RARA: variants seen among roughly 807,000 people sequenced by gnomAD.
The protein encoded by RARA is PML-DDX5-RARA fusion.
Under a neutral mutation model 42.8 loss-of-function variants are expected in RARA, and 5 were observed. That is an observed-to-expected ratio of 0.12 (90% CI 0.06 to 0.25). The LOEUF (loss-of-function observed/expected upper bound fraction) is 0.25. Ranked by LOEUF, RARA falls within the 10% of genes least tolerant of loss-of-function variation. The pLI is 1.00. For missense variants in RARA, 402 were observed against 628.7 expected (o/e 0.64, Z 3.86); for synonymous variants, 256 against 259.5 (o/e 0.99, Z 0.13).
At chr17:40,333,194 C>T (rs950668140) in intron 2 of RARA, among the ~76,000 whole-genome samples, 16 of 152,128 alleles carry the variant, frequency 1.1e-4, no homozygotes, top group Non-Finnish European at 1.6e-4. Context: ...GGACTACAGG[C>T]GTACGCCACC....
At chr17:40,342,621 T>C in intron 2 of RARA, 1 of 1,528,334 alleles carries the variant, frequency 6.5e-7, no homozygotes, top group Non-Finnish European at 8.8e-7. Context: ...CCCCAGCTGC[T>C]CTGCTCGGAT....
At chr17:40,319,329 G>A (rs1424213765) in intron 1 of RARA, among the ~76,000 whole-genome samples, 1 of 152,126 alleles carries the variant, frequency 6.6e-6, no homozygotes, top group South Asian at 2.1e-4. Flanking sequence ...CCAGACAGAA[G>A]AGCTCCCCAG....
chr17:40,339,223 C>T (rs1188592220), intron 2 of RARA, among the ~76,000 whole-genome samples: 1 of 152,134 alleles, frequency 6.6e-6, no homozygotes, highest in African/African-American at 2.4e-5. Flanking sequence ...AGCCAGTGTC[C>T]ACCTGGCACT....
At chr17:40,342,168 G>A in intron 2 of RARA, 2 of 1,049,444 alleles carry the variant, frequency 1.9e-6, no homozygotes, top group Non-Finnish European at 2.3e-6. Flanking sequence ...GCCGTGGCGC[G>A]TACCACCAGA....
chr17:40,341,654 G>A (rs1164840194), intron 2 of RARA: 1 of 1,345,166 alleles, frequency 7.4e-7, no homozygotes, highest in Non-Finnish European at 9.5e-7. Context: ...CGCCAGGCGA[G>A]TTCAGCGAGA....
chr17:40,313,771 G>A (rs886534611), intron 1 of RARA, among the ~76,000 whole-genome samples: 1 of 152,048 alleles, frequency 6.6e-6, no homozygotes, highest in African/African-American at 2.4e-5. Flanking sequence ...TGGTTCAGAA[G>A]CCCCTCCCCT....
Position 40,352,112 on chromosome 17 carries a change from G to A in RARA, c.630+42G>A. 1 of 1,507,626 alleles carries A rather than the reference G, an allele frequency of 6.6e-7. No individual in the cohort carries two copies. Among genetic ancestry groups the A allele is most frequent in the South Asian group, 1.3e-5 (1 of 76,658 alleles). 93.4% of individuals were successfully genotyped at this position (1,507,626 alleles called of 1,614,324 possible). ...GCCTGCAGGGTGGGATTTGCCCAGGGCCACAGGGCCAGGATGGGCCCCTCT... is the reference window on the plus strand; with the variant it reads ...GCCTGCAGGGTGGGATTTGCCCAGGACCACAGGGCCAGGATGGGCCCCTCT... On this transcript the variant is annotated intron_variant, in intron 5 of 8. Transcript: ENST00000254066. The surrounding 1 kb of genome is among the most constrained non-coding windows in gnomAD (Gnocchi z 4.9).
chr17:40,340,360 C>T (rs2033995519), intron 2 of RARA, among the ~76,000 whole-genome samples: 2 of 152,178 alleles, frequency 1.3e-5, no homozygotes, highest in South Asian at 4.1e-4. Flanking sequence ...CTTTTCCTTG[C>T]ATTTAGGATA....
Position 40,351,852 on chromosome 17 carries a change from G to T in RARA, c.470-58G>T, listed in dbSNP as rs4890109. ...CTGGCAGCTCTCTGTCAGGCTGGGGGTGGACGAGGCCCTGAGCAGCCTGCA... is the reference window on the plus strand; with the variant it reads ...CTGGCAGCTCTCTGTCAGGCTGGGGTTGGACGAGGCCCTGAGCAGCCTGCA... On this transcript the variant is annotated intron_variant, in intron 4 of 8. Transcript: ENST00000254066. The surrounding 1 kb of genome is among the most constrained non-coding windows in gnomAD (Gnocchi z 4.1). The T allele has an allele frequency of 0.039, 61,411 of 1,571,084 alleles. 1,414 individuals carry two copies. Among genetic ancestry groups the T allele is most frequent in the Non-Finnish European group, 0.045 (52,139 of 1,166,186 alleles).
chr17:40,348,498 G>C (rs1225071075), intron 3 of RARA, 34 bp downstream of exon 3: 1 of 1,603,646 alleles, frequency 6.2e-7, no homozygotes, highest in Non-Finnish European at 8.5e-7. Context: ...AGGACAGCTT[G>C]ATGAGGTCAA....
At chr17:40,322,774 CCT>C (rs2033427791) in intron 1 of RARA, among the ~76,000 whole-genome samples, 1 of 151,990 alleles carries the variant, frequency 6.6e-6, no homozygotes, top group Non-Finnish European at 1.5e-5. Context: ...GAGGGAGAGC[CCT>C]GTCAGTCCTG....
At chr17:40,324,044 C>T (rs1416677716) in intron 1 of RARA, among the ~76,000 whole-genome samples, 1 of 152,046 alleles carries the variant, frequency 6.6e-6, no homozygotes, top group Non-Finnish European at 1.5e-5. Context: ...AAGCTGTCCC[C>T]CCATTGTGAG....
intron 2 of RARA, among the ~76,000 whole-genome samples, chr17:40,344,567 G>A (rs552916842): frequency 2.0e-5 from 3 of 152,180 alleles, no homozygotes; most frequent in African/African-American, 7.2e-5. Context: ...CAGAACTGGA[G>A]AGGGAGGAGG....
intron 2 of RARA, chr17:40,341,630 C>G: frequency 1.5e-6 from 2 of 1,346,826 alleles, no homozygotes; most frequent in Non-Finnish European, 1.9e-6. Context: ...GTGGGTCACT[C>G]GGAGGTGAGG....
At chr17:40,313,650 G>T (rs1429172232) in intron 1 of RARA, among the ~76,000 whole-genome samples, 1 of 152,078 alleles carries the variant, frequency 6.6e-6, no homozygotes, top group African/African-American at 2.4e-5. Context: ...GTTCCAGACA[G>T]GCCTTAATCC....
Position 40,348,375 on chromosome 17 carries a change from C to A in RARA, c.238C>A (p.Pro80Thr). The A allele has an allele frequency of 6.2e-7, 1 of 1,613,534 alleles. No homozygotes were observed. The highest frequency in any genetic ancestry group is 8.5e-7 in the Non-Finnish European group (1 of 1,179,702). ...EIVPSPPSPP[P>T]LPRIYKPCFV... The stretch of plus-strand genomic sequence containing the variant: ...AGTGCCCAGCCCTCCCTCGCCACCC[C>A]CTCTACCCCGCATCTACAAGCCTTG... Residue 80 changes from proline (P) to threonine (T), a missense_variant, in exon 3 of 9, where the codon CCT (proline) becomes ACT (threonine). Physicochemically the swap from Pro to Thr is conservative, Grantham distance 38. Transcript: ENST00000254066.
chr17:40,343,258 C>A, intron 2 of RARA: 1 of 163,502 alleles, frequency 6.1e-6, no homozygotes. Context: ...TTTGTCTGCT[C>A]CCGGGGGAAG....
intron 2 of RARA, among the ~76,000 whole-genome samples, chr17:40,343,835 C>A (rs920831089): frequency 1.3e-5 from 2 of 152,200 alleles, no homozygotes; most frequent in African/African-American, 4.8e-5. Context: ...TGGGTGCAGG[C>A]TCCTCTGGGA....
chr17:40,354,642 G>T lies in RARA; in HGVS notation c.1012+136G>T. The T allele has an allele frequency of 9.0e-7, 1 of 1,109,844 alleles. No individual in the cohort carries two copies. The highest frequency in any genetic ancestry group is 1.6e-5 in the South Asian group (1 of 63,500). 68.7% of individuals were successfully genotyped at this position (1,109,844 alleles called of 1,614,324 possible). ...GGTCTGGTCTGCAACTACACAGCAA[G>T]GGGGCCATGTGGGGCCTGGACTCCT... On this transcript the variant is annotated intron_variant, in intron 7 of 8. Coordinates refer to ENST00000254066, the MANE Select transcript of RARA (RefSeq NM_000964.4). The surrounding 1 kb of genome is among the most constrained non-coding windows in gnomAD (Gnocchi z 4.5).
Sources: gnomAD v4.1 joint callset for allele counts (sites outside exome capture counted in the v4.1 genomes callset) on GRCh38, gnomAD v4.1.1 for gene constraint, Gnocchi (gnomAD v3.1) non-coding constraint, MANE v1.5 for transcripts, NCBI Gene and HGNC (gene_info 2026-07-23, HGNC 2026-07-21) for gene names.